The following SRP72 variants were observed in gnomAD, a reference collection of about 807,000 sequenced individuals.
The protein encoded by SRP72 is signal recognition particle subunit SRP72.
SRP72 carries 49 observed loss-of-function variants against 96.3 expected under a neutral mutation model. That is an observed-to-expected ratio of 0.51 (90% confidence interval 0.40 to 0.65). The LOEUF is 0.65. Ranked by LOEUF, SRP72 falls within the 30% of genes least tolerant of loss-of-function variation. The pLI is 0.00. For synonymous variants in SRP72, 267 were observed against 275.2 expected, an observed-to-expected ratio of 0.97 and a Z score of 0.30; for missense variants, 736 against 793.3, an observed-to-expected ratio of 0.93 and a Z score of 0.87.
At chr4:56,482,693 C>T (rs779526341) in intron 8 of SRP72, among the ~76,000 whole-genome samples, 1 of 152,126 alleles carries the variant, frequency 6.6e-6, no homozygotes, top group Non-Finnish European at 1.5e-5. Flanking sequence ...GAGGGCATAG[C>T]TTGTAGAAAT....
chr4:56,476,785 A>G, intron 6 of SRP72, 83 bp downstream of exon 6: 3 of 1,439,800 alleles, frequency 2.1e-6, no homozygotes, highest in Non-Finnish European at 2.9e-6. Flanking sequence ...CTATTTATTG[A>G]CTTTTTTTAG....
intron 11 of SRP72, among the ~76,000 whole-genome samples, chr4:56,486,995 T>C (rs1013926802): frequency 3.9e-5 from 6 of 152,232 alleles, no homozygotes; most frequent in African/African-American, 1.4e-4. Flanking sequence ...ATTAGTTAAA[T>C]GAAATTTTAA....
At chr4:56,468,300 A>G (rs17086793) in intron 1 of SRP72, among the ~76,000 whole-genome samples, 50,750 of 152,050 alleles carry the variant, frequency 0.33, 8,839 homozygotes, top group East Asian at 0.47. Context: ...CCCATAGATG[A>G]GATCTCTTCA....
chr4:56,486,302 T>TC (rs1286210481), intron 10 of SRP72, 23 bp from the exon 11 acceptor site: 1 of 1,566,304 alleles, frequency 6.4e-7, no homozygotes, highest in Non-Finnish European at 8.7e-7. Context: ...GTGATTTTTT[T>TC]CCCCCAAACT....
rs144366294 is a variant in SRP72, at chr4:56,502,161, A to G, written c.*300A>G. 1.4e-3 allele frequency: 383 copies of G among 276,936 alleles called. 6 individuals carry two copies. The highest frequency in any genetic ancestry group is 8.1e-3 in the African/African-American group (366 of 44,972). The allele number at this position is 276,936 out of a possible 1,614,324, so 17.2% of individuals were successfully genotyped here. On this transcript the variant is annotated 3_prime_UTR_variant, in exon 19 of 19. Coordinates refer to ENST00000642900, the MANE Select transcript of SRP72 (RefSeq NM_006947.4). ...TGATTTGATCTTTTTTCAGTTTCAC[A>G]TACCTTATCTAAGGTTTCCCAGGAT...
At chr4:56,487,849 T>A in intron 11 of SRP72, 100 bp from the exon 12 acceptor site, 1 of 859,886 alleles carries the variant, frequency 1.2e-6, no homozygotes, top group Non-Finnish European at 1.8e-6. Flanking sequence ...TTATGGTTGC[T>A]TTCCTAAGGA....
chr4:56,470,453 T>A (rs1180599862), intron 2 of SRP72, among the ~76,000 whole-genome samples: 1 of 151,430 alleles, frequency 6.6e-6, no homozygotes, highest in African/African-American at 2.4e-5. Flanking sequence ...GGCAGGAGAA[T>A]CACTTGAACC....
At chr4:56,490,265 A>C in intron 13 of SRP72, 68 bp from the exon 14 acceptor site, 1 of 1,242,004 alleles carries the variant, frequency 8.1e-7, no homozygotes, top group Non-Finnish European at 1.2e-6. Flanking sequence ...AGGTCTAATG[A>C]ATATAACTGC....
At chr4:56,487,873 G>A (rs1720773702) in intron 11 of SRP72, 76 bp from the exon 12 acceptor site, 7 of 1,103,666 alleles carry the variant, frequency 6.3e-6, no homozygotes, top group African/African-American at 4.9e-5. Context: ...GTAGTGGGAG[G>A]AAGTAAAATT....
At chr4:56,468,072 T>C (rs1719819545) in intron 1 of SRP72, among the ~76,000 whole-genome samples, 1 of 152,260 alleles carries the variant, frequency 6.6e-6, no homozygotes, top group Non-Finnish European at 1.5e-5. Context: ...CCTTTGCTGC[T>C]TTATTTCACA....
chr4:56,474,096 A>G lies in SRP72; in HGVS notation c.397A>G (p.Arg133Gly), dbSNP rs770268043. 1.2e-6 allele frequency: 2 copies of G among 1,614,138 alleles called. No homozygotes were observed. The highest frequency in any genetic ancestry group is 1.7e-6 in the Non-Finnish European group (2 of 1,180,002). Residue 133 changes from arginine to glycine, a missense_variant, in exon 4 of 19, where the codon AGA becomes GGA. By Grantham distance (125) the Arg-to-Gly change is moderately radical. This residue lies in a region of SRP72 where 329 missense variants were observed against 319.0 expected (regional missense o/e 1.03). Transcript: ENST00000642900. ...ERYDECLAVY[R>G]DLVRNSQDDY... ...CTATGATGAATGCTTAGCAGTGTAT[A>G]GAGATCTCGTCCGAAACTCCCAAGA... is the stretch of plus-strand genomic sequence containing the variant.
intron 17 of SRP72, among the ~76,000 whole-genome samples, chr4:56,497,478 C>T (rs1405994779): frequency 6.6e-6 from 1 of 152,086 alleles, no homozygotes; most frequent in Non-Finnish European, 1.5e-5. Context: ...CTCGGCCTCC[C>T]AAAGTGCTGG....
chr4:56,485,714 A>C (rs1720680164), intron 10 of SRP72, among the ~76,000 whole-genome samples: 1 of 152,082 alleles, frequency 6.6e-6, no homozygotes, highest in Non-Finnish European at 1.5e-5. Context: ...AGGCAGGAGA[A>C]TCACTTGAAC....
intron 17 of SRP72, among the ~76,000 whole-genome samples, chr4:56,497,293 C>T (rs975696851): frequency 1.9e-4 from 29 of 150,802 alleles, no homozygotes; most frequent in Admixed American, 6.6e-4. Context: ...TATCTCGGCT[C>T]ACTGCAAGCT....
intron 11 of SRP72, 79 bp from the exon 12 acceptor site, chr4:56,487,870 G>A (rs1720773399): frequency 9.3e-7 from 1 of 1,079,172 alleles, no homozygotes; most frequent in African/African-American, 1.6e-5. Flanking sequence ...AAAGTAGTGG[G>A]AGGAAGTAAA....
At position 56,495,331 on chromosome 4, in the gene SRP72, G is replaced by T. The variant is rs1449363869; in HGVS notation, c.1641-26G>T. ...CTATAAATATTTTATCACAAAGATG[G>T]TAATGATTTTTTTTTCTCTTTGTAG... is the stretch of plus-strand genomic sequence containing the variant. On this transcript the variant is annotated intron_variant, in intron 16 of 18. Transcript: ENST00000642900. The T allele has an allele frequency of 2.1e-6, 3 of 1,441,868 alleles. No homozygotes were observed. In the Admixed American group the frequency reaches 5.6e-5, roughly 27 times the overall value. 89.3% of individuals were successfully genotyped at this position (1,441,868 alleles called of 1,614,324 possible).
At chr4:56,496,009 T>C (rs1721064193) in intron 17 of SRP72, among the ~76,000 whole-genome samples, 2 of 152,210 alleles carry the variant, frequency 1.3e-5, no homozygotes, top group Admixed American at 1.3e-4. Context: ...TGGCAAGTAT[T>C]TCTCATTAAT....
At chr4:56,478,807 T>G (rs1028120090) in intron 8 of SRP72, among the ~76,000 whole-genome samples, 158 bp downstream of exon 8, 2 of 152,192 alleles carry the variant, frequency 1.3e-5, no homozygotes, top group African/African-American at 4.8e-5. Context: ...TTAACTCTCC[T>G]AATGATAATG....
intron 12 of SRP72, among the ~76,000 whole-genome samples, chr4:56,488,769 TCA>T (rs1244342000): frequency 7.9e-5 from 12 of 152,362 alleles, no homozygotes; most frequent in Admixed American, 7.8e-4. Flanking sequence ...AGAACCTCTC[TCA>T]TTCCTGATAT....
Sources: gnomAD v4.1 joint callset for allele counts (sites outside exome capture counted in the v4.1 genomes callset) on GRCh38, gnomAD v4.1.1 for gene constraint, gnomAD v4.1.1 regional missense constraint, MANE v1.5 for transcripts, NCBI Gene and HGNC (gene_info 2026-07-23, HGNC 2026-07-21) for gene names.